Variants in DPYD observed in about 807,000 individuals in gnomAD.
DPYD encodes the protein dihydropyrimidine dehydrogenase.
Under a neutral mutation model 116.2 loss-of-function variants are expected in DPYD, and 109 were observed. That is an observed-to-expected ratio of 0.94 (90% CI 0.80 to 1.10). The LOEUF (loss-of-function observed/expected upper bound fraction) is 1.10. DPYD is among the 50% of genes least tolerant of loss of function. The pLI is 0.00. For synonymous variants in DPYD, 440 were observed against 432.0 expected, an observed-to-expected ratio of 1.02 and a Z score of -0.23; for missense variants, 1,302 against 1,254.5, an observed-to-expected ratio of 1.04 and a Z score of -0.57.
intron 8 of DPYD, among the ~76,000 whole-genome samples, chr1:97,602,553 A>G (rs1270157189): frequency 6.6e-6 from 1 of 152,010 alleles, no homozygotes; most frequent in Non-Finnish European, 1.5e-5. Context: ...CAATGAGAAT[A>G]TGGGTTCACC....
At chr1:97,552,264 T>C (rs752631098) in intron 11 of DPYD, among the ~76,000 whole-genome samples, 2 of 152,244 alleles carry the variant, frequency 1.3e-5, no homozygotes, top group Non-Finnish European at 2.9e-5. Flanking sequence ...GCACAGTGAA[T>C]TGTACACAGG....
At chr1:97,640,280 T>A (rs945331269) in intron 8 of DPYD, among the ~76,000 whole-genome samples, 1 of 152,004 alleles carries the variant, frequency 6.6e-6, no homozygotes, top group African/African-American at 2.4e-5. Context: ...TGTAGAAGCA[T>A]TTTTACTTAC....
At position 97,373,647 on chromosome 1, in the gene DPYD, T is replaced by G. The variant is rs1671427099; in HGVS notation, c.1975-3A>C. The G allele has an allele frequency of 6.2e-7, 1 of 1,613,442 alleles. No homozygotes were observed. The highest frequency in any genetic ancestry group is 8.5e-7 in the Non-Finnish European group (1 of 1,179,490). ...TCCAGGGCATCTGCTCCAGAATCCT[T>G]TAAACAAGAAAGGAAAATGAAAGAA... On this transcript the variant is annotated splice_polypyrimidine_tract_variant and splice_region_variant and intron_variant, in intron 15 of 22. Coordinates refer to ENST00000370192, the MANE Select transcript of DPYD (RefSeq NM_000110.4).
intron 3 of DPYD, among the ~76,000 whole-genome samples, chr1:97,759,394 T>A (rs192341272): frequency 3.3e-5 from 5 of 152,280 alleles, no homozygotes; most frequent in Non-Finnish European, 5.9e-5. Context: ...TAGCTTTTAA[T>A]ATTATGCTCA....
intron 19 of DPYD, 143 bp downstream of exon 19, chr1:97,234,709 C>A (rs1297523986): frequency 1.1e-5 from 11 of 1,013,192 alleles, no homozygotes; most frequent in Admixed American, 2.1e-5. Flanking sequence ...GTCAGAGGAA[C>A]TTAATACATG....
chr1:97,528,687 T>G (rs1020740799), intron 12 of DPYD, among the ~76,000 whole-genome samples: 2 of 152,188 alleles, frequency 1.3e-5, no homozygotes, highest in African/African-American at 4.8e-5. Context: ...GTTAATTGTA[T>G]TATTTTTGAT....
At chr1:97,323,680 AC>A (rs67630352) in intron 16 of DPYD, among the ~76,000 whole-genome samples, 14,102 of 82,992 alleles carry the variant, frequency 0.17, 2,085 homozygotes, top group Middle Eastern at 0.26. Flanking sequence ...TCATATATAT[AC>A]ATATATGTGT....
chr1:97,584,805 G>T (rs1479285549), intron 10 of DPYD, among the ~76,000 whole-genome samples: 1 of 126,986 alleles, frequency 7.9e-6, no homozygotes, highest in Non-Finnish European at 1.6e-5. Context: ...GTTGTGGGGT[G>T]GGGGGAGGGG....
intron 12 of DPYD, among the ~76,000 whole-genome samples, chr1:97,549,041 G>T (rs1339670700): frequency 6.6e-6 from 1 of 151,670 alleles, no homozygotes; most frequent in Non-Finnish European, 1.5e-5. Flanking sequence ...GTACTCAAAT[G>T]GTAGGAATGC....
intron 16 of DPYD, among the ~76,000 whole-genome samples, chr1:97,352,713 T>G (rs777167462): frequency 5.9e-5 from 9 of 152,164 alleles, no homozygotes; most frequent in African/African-American, 1.4e-4. Context: ...TGTTTTTTAT[T>G]GCCATCAGCA....
chr1:97,131,913 T>C lies in DPYD; in HGVS notation c.2623-33281A>G, dbSNP rs1312876367. 5.3e-5 allele frequency among the ~76,000 whole-genome samples: 8 copies of C among 152,176 alleles called. No homozygotes were observed. In the East Asian group the frequency reaches 1.2e-3, roughly 22 times the overall value. ...ATAACAAAAACTTTTTTGTCACTTA[T>C]TTTCCTTTACTTAAATGATTTTGAA... On this transcript the variant is annotated intron_variant, in intron 20 of 22. Coordinates refer to ENST00000370192, the MANE Select transcript of DPYD (RefSeq NM_000110.4).
At chr1:97,462,080 C>T (rs1254839902) in intron 13 of DPYD, among the ~76,000 whole-genome samples, 1 of 152,034 alleles carries the variant, frequency 6.6e-6, no homozygotes, top group Non-Finnish European at 1.5e-5. Flanking sequence ...GGTAAGGTTT[C>T]AGAAGTTAAA....
Position 97,758,030 on chromosome 1 carries a change from C to T in DPYD, c.234-17551G>A, listed in dbSNP as rs1047091653. 4.6e-5 allele frequency among the ~76,000 whole-genome samples: 7 copies of T among 152,070 alleles called. No individual in the cohort carries two copies. In the South Asian group the frequency reaches 1.5e-3, roughly 32 times the overall value. ...CCTTTTTGATTATCTCATTCATAGA[C>T]ATCTCCCATCACAAAATACTTCAGT... On this transcript the variant is annotated intron_variant, in intron 3 of 22. Coordinates refer to ENST00000370192, the MANE Select transcript of DPYD (RefSeq NM_000110.4).
chr1:97,157,282 T>C (rs1655540061), intron 20 of DPYD, among the ~76,000 whole-genome samples: 1 of 148,180 alleles, frequency 6.7e-6, no homozygotes, highest in Non-Finnish European at 1.5e-5. Flanking sequence ...TAAAATAAAA[T>C]TAAAAAAACC....
chr1:97,566,283 C>A (rs1473484812), intron 11 of DPYD, among the ~76,000 whole-genome samples: 1 of 152,098 alleles, frequency 6.6e-6, no homozygotes, highest in Non-Finnish European at 1.5e-5. Flanking sequence ...ATCCCTGAAA[C>A]GTATCTTTAA....
In DPYD at chr1:97,573,799, C is replaced by A. The variant is rs748620513; in HGVS notation, c.1300G>T (p.Val434Phe). Residue 434 changes from valine (V) to phenylalanine (F), a missense_variant, in exon 11 of 23, where the codon GTC (valine) becomes TTC (phenylalanine). Val to Phe is a conservative substitution (Grantham distance 50). Transcript: ENST00000370192. The stretch of plus-strand genomic sequence containing the variant: ...AGAACTGAACCAAAGGCACTGATGA[C>A]CACATCGGCTTTCAGATGGACCATC... ...DQMVHLKADV[V>F]ISAFGSVLSD... 1.2e-6 allele frequency: 2 copies of A among 1,613,504 alleles called. No homozygotes were observed. Among genetic ancestry groups the A allele is most frequent in the African/African-American group, 1.3e-5 (1 of 74,886 alleles).
chr1:97,078,794 T>A lies in DPYD; in HGVS notation c.*182A>T, dbSNP rs1648956195. On this transcript the variant is annotated 3_prime_UTR_variant, in exon 23 of 23. Coordinates refer to ENST00000370192, the MANE Select transcript of DPYD (RefSeq NM_000110.4). ...ATTATTCTATTTTATGACCACTAAT[T>A]GAATGGTCATTGACATGAGACATTT... The A allele has an allele frequency of 4.5e-6, 3 of 673,088 alleles. No homozygotes were observed. The African/African-American group carries it at 5.4e-5, about 12-fold the overall frequency. 41.7% of individuals were successfully genotyped at this position (673,088 alleles called of 1,614,324 possible). A position where few individuals can be genotyped will look rare whatever the true frequency, so the allele number is the denominator to read the frequency against.
chr1:97,547,742 G>A (rs1013279167), intron 12 of DPYD, among the ~76,000 whole-genome samples: 17 of 151,932 alleles, frequency 1.1e-4, no homozygotes, highest in Non-Finnish European at 2.2e-4. Flanking sequence ...GTGCAGTGGT[G>A]TGATCATAGC....
intron 2 of DPYD, among the ~76,000 whole-genome samples, chr1:97,838,964 T>C (rs561338566): frequency 9.8e-5 from 15 of 152,356 alleles, no homozygotes; most frequent in East Asian, 7.7e-4. Flanking sequence ...ACAGGGACTA[T>C]AGGAACTAGA....
Sources: allele counts gnomAD v4.1 joint callset (sites outside exome capture counted in the v4.1 genomes callset), GRCh38; gene constraint gnomAD v4.1.1; transcripts MANE v1.5; gene names NCBI Gene and HGNC (gene_info 2026-07-23, HGNC 2026-07-21).